Variants in METTL25 observed in about 807,000 individuals in gnomAD.
The protein encoded by METTL25 is probable methyltransferase-like protein 25.
In METTL25, 64 loss-of-function variants were observed where a neutral mutation model predicts 71.6. The observed-to-expected ratio is 0.89, with a 90% CI of 0.73 to 1.10. METTL25 has a LOEUF of 1.10. Among genes scored for constraint, METTL25 ranks in the 50% least tolerant of loss-of-function variants. METTL25 has a pLI of 0.00. For missense variants in METTL25, 807 were observed against 707.0 expected, an observed-to-expected ratio of 1.14 and a Z score of -1.60; for synonymous variants, 287 against 250.3, an observed-to-expected ratio of 1.15 and a Z score of -1.38.
At chr12:82,363,950 C>A (rs904044490) in intron 1 of METTL25, among the ~76,000 whole-genome samples, 2 of 152,156 alleles carry the variant, frequency 1.3e-5, no homozygotes, top group African/African-American at 4.8e-5. Context: ...AGAAAATACA[C>A]TGGGAGAATT....
intron 8 of METTL25, among the ~76,000 whole-genome samples, chr12:82,439,487 A>AT (rs1435189346): frequency 6.6e-6 from 1 of 151,798 alleles, no homozygotes; most frequent in Non-Finnish European, 1.5e-5. Flanking sequence ...AAATAAGGCA[A>AT]TTTTCAGGTT....
intron 9 of METTL25, among the ~76,000 whole-genome samples, chr12:82,461,055 A>G (rs944872967): frequency 6.6e-6 from 1 of 152,146 alleles, no homozygotes; most frequent in African/African-American, 2.4e-5. Flanking sequence ...AGGCAGGACA[A>G]TGGCATGAAC....
intron 9 of METTL25, among the ~76,000 whole-genome samples, chr12:82,463,840 G>A (rs1216433959): frequency 6.6e-6 from 1 of 151,926 alleles, no homozygotes; most frequent in Non-Finnish European, 1.5e-5. Flanking sequence ...GATTAGTGAT[G>A]TTGAGCATTT....
intron 9 of METTL25, 86 bp from the exon 10 acceptor site, chr12:82,476,558 C>A: frequency 1.2e-6 from 1 of 846,274 alleles, no homozygotes. Context: ...AAATTGATGT[C>A]ATGTTTATTT....
At chr12:82,371,539 C>T (rs1883232494) in intron 1 of METTL25, among the ~76,000 whole-genome samples, 1 of 152,166 alleles carries the variant, frequency 6.6e-6, no homozygotes, top group African/African-American at 2.4e-5. Flanking sequence ...TGTCTGAGGG[C>T]CATGACTAAG....
chr12:82,444,705 G>A (rs1407844472), intron 8 of METTL25, among the ~76,000 whole-genome samples: 1 of 152,012 alleles, frequency 6.6e-6, no homozygotes, highest in Non-Finnish European at 1.5e-5. Context: ...CAAAATGGCA[G>A]TAGTAATTCC....
intron 1 of METTL25, among the ~76,000 whole-genome samples, chr12:82,364,317 C>T (rs150827744): frequency 1.2e-4 from 18 of 152,318 alleles, no homozygotes; most frequent in East Asian, 1.9e-4. Flanking sequence ...ATCTCATTCA[C>T]GGAGGTGGCT....
intron 3 of METTL25, among the ~76,000 whole-genome samples, chr12:82,394,898 G>C (rs531014131): frequency 2.0e-5 from 3 of 151,834 alleles, no homozygotes; most frequent in Admixed American, 1.3e-4. Context: ...TTCTTATAGA[G>C]GGAACAACAA....
intron 1 of METTL25, among the ~76,000 whole-genome samples, chr12:82,369,955 G>A (rs1883033879): frequency 6.6e-6 from 1 of 152,036 alleles, no homozygotes; most frequent in Admixed American, 6.5e-5. Context: ...TAGACACAGA[G>A]TGCTGATTGG....
chr12:82,397,926 C>CT (rs1274008600), intron 3 of METTL25, among the ~76,000 whole-genome samples: 1 of 151,740 alleles, frequency 6.6e-6, no homozygotes, highest in African/African-American at 2.4e-5. Context: ...CAACCTTATT[C>CT]TTTTTCAAAA....
intron 3 of METTL25, among the ~76,000 whole-genome samples, chr12:82,393,620 T>C (rs1885804685): frequency 6.6e-6 from 1 of 152,076 alleles, no homozygotes; most frequent in South Asian, 2.1e-4. Context: ...TATCTTTCTC[T>C]TGCCTGATTG....
intron 3 of METTL25, among the ~76,000 whole-genome samples, chr12:82,392,993 T>A (rs1885737724): frequency 6.6e-6 from 1 of 152,116 alleles, no homozygotes; most frequent in Admixed American, 6.6e-5. Context: ...TCTATGTGTC[T>A]GTTTTTATGG....
chr12:82,412,144 A>G (rs1887601334), intron 5 of METTL25, among the ~76,000 whole-genome samples: 2 of 152,138 alleles, frequency 1.3e-5, no homozygotes, highest in Non-Finnish European at 2.9e-5. Context: ...TGGTATATAG[A>G]GAAATAAATA....
At chr12:82,406,813 G>A (rs752813310) in intron 5 of METTL25, among the ~76,000 whole-genome samples, 2 of 152,120 alleles carry the variant, frequency 1.3e-5, no homozygotes, top group African/African-American at 2.4e-5. Context: ...GTATATTCCC[G>A]TGTGGTGATA....
chr12:82,385,037 C>G (rs531836463), intron 1 of METTL25, among the ~76,000 whole-genome samples: 2 of 152,090 alleles, frequency 1.3e-5, no homozygotes, highest in African/African-American at 4.8e-5. Context: ...TTAGTAAATT[C>G]AGTTTATAAA....
intron 8 of METTL25, among the ~76,000 whole-genome samples, chr12:82,444,591 A>G (rs1182297332): frequency 2.0e-5 from 3 of 152,198 alleles, no homozygotes; most frequent in Non-Finnish European, 4.4e-5. Flanking sequence ...AATAATAATC[A>G]TAACATTTGT....
intron 9 of METTL25, among the ~76,000 whole-genome samples, chr12:82,471,968 T>C (rs940300712): frequency 6.6e-6 from 1 of 152,280 alleles, no homozygotes; most frequent in East Asian, 1.9e-4. Flanking sequence ...GAGAAAGGGA[T>C]AGAATTTACT....
chr12:82,363,372 T>A (rs1443056254), intron 1 of METTL25, among the ~76,000 whole-genome samples: 1 of 152,152 alleles, frequency 6.6e-6, no homozygotes, highest in African/African-American at 2.4e-5. Context: ...AGGGCAAAAT[T>A]CAAGTTTGGC....
intron 5 of METTL25, among the ~76,000 whole-genome samples, chr12:82,418,900 C>CTAT (rs1279472942): frequency 6.6e-6 from 1 of 152,026 alleles, no homozygotes; most frequent in Non-Finnish European, 1.5e-5. Context: ...AAAAGCCTGT[C>CTAT]TATAAACACT....
Sources: allele counts gnomAD v4.1 joint callset (sites outside exome capture counted in the v4.1 genomes callset), GRCh38; gene constraint gnomAD v4.1.1; transcripts MANE v1.5; gene names NCBI Gene and HGNC (gene_info 2026-07-23, HGNC 2026-07-21).